Variants in TSHR observed in about 807,000 individuals in gnomAD.
TSHR encodes the protein thyroid stimulating hormone receptor, also known as thyrotropin receptor.
In TSHR, 51 loss-of-function variants were observed where a neutral mutation model predicts 64.1. The ratio of observed to expected loss-of-function variants is 0.80; its 90% CI spans 0.64 to 1.01. The LOEUF is 1.01. TSHR is among the 50% of genes least tolerant of loss of function. The probability of loss-of-function intolerance (pLI) is 0.00; values close to 1 mark genes in which losing one functional copy is unlikely to be tolerated. For synonymous variants in TSHR, 361 were observed against 361.9 expected (o/e 1.00, Z 0.03); for missense variants, 877 against 942.8 (o/e 0.93, Z 0.91).
At chr14:81,074,021 TA>T in intron 3 of TSHR, among the ~76,000 whole-genome samples, 1 of 152,180 alleles carries the variant, frequency 6.6e-6, no homozygotes, top group Non-Finnish European at 1.5e-5. Context: ...TTGTTTGTAT[TA>T]TGATCTTTTT....
chr14:80,972,741 T>C (rs2139704594), intron 1 of TSHR, among the ~76,000 whole-genome samples: 1 of 152,186 alleles, frequency 6.6e-6, no homozygotes, highest in South Asian at 2.1e-4. Context: ...AAAGGGGAGC[T>C]CGTGCCGATT....
chr14:81,077,387 G>A (rs77927049), intron 3 of TSHR, among the ~76,000 whole-genome samples: 4,075 of 152,276 alleles, frequency 0.027, 181 homozygotes, highest in African/African-American at 0.092. Context: ...TTGACAGAAT[G>A]TTTAGTATAT....
intron 8 of TSHR, among the ~76,000 whole-genome samples, chr14:81,120,060 G>T (rs1481128759): frequency 7.6e-6 from 1 of 130,986 alleles, no homozygotes; most frequent in Non-Finnish European, 1.6e-5. Context: ...GGATAGCATT[G>T]GGAGATATAC....
At chr14:80,961,076 C>T (rs1185447518) in intron 1 of TSHR, among the ~76,000 whole-genome samples, 1 of 152,236 alleles carries the variant, frequency 6.6e-6, no homozygotes, top group South Asian at 2.1e-4. Context: ...CCACTTTTGG[C>T]GTCTGAAATA....
At chr14:81,102,718 G>A (rs1889663887) in intron 7 of TSHR, 1 of 859,426 alleles carries the variant, frequency 1.2e-6, no homozygotes, top group Non-Finnish European at 1.4e-6. Context: ...CAAAAACAAG[G>A]GCAAGGTAGG....
chr14:80,999,246 T>C (rs964551090), intron 1 of TSHR, among the ~76,000 whole-genome samples: 1 of 152,220 alleles, frequency 6.6e-6, no homozygotes, highest in Non-Finnish European at 1.5e-5. Context: ...GTTATTCTTT[T>C]TTATATTGGA....
chr14:81,049,091 T>G (rs1885310089), intron 1 of TSHR, among the ~76,000 whole-genome samples: 1 of 152,170 alleles, frequency 6.6e-6, no homozygotes, highest in Non-Finnish European at 1.5e-5. Context: ...AACCAGGACA[T>G]TAAGTGAGAA....
chr14:80,958,032 G>A (rs1886796381), intron 1 of TSHR: 1 of 152,196 alleles, frequency 6.6e-6, no homozygotes, highest in Admixed American at 6.5e-5. Flanking sequence ...CAAAATGGTA[G>A]TCTCCTTTGA....
At position 80,978,245 on chromosome 14, in the gene TSHR, G is replaced by A. The variant is rs538318682; in HGVS notation, c.170+22395G>A. ...TTTTTAGTAATTGGGCTGCCACCCT[G>A]TGCCAGAGACTATCTGTGCCCCCTG... is the stretch of plus-strand genomic sequence containing the variant. On this transcript the variant is annotated intron_variant, in intron 1 of 9. Coordinates refer to ENST00000298171, the MANE Select transcript of TSHR (RefSeq NM_000369.5). Among the ~76,000 whole-genome samples, 10 of 152,198 alleles carry A rather than the reference G, an allele frequency of 6.6e-5. No individual in the cohort carries two copies. In the South Asian group the frequency reaches 1.5e-3, roughly 22 times the overall value.
chr14:80,990,950 T>C (rs1032065314), intron 1 of TSHR, among the ~76,000 whole-genome samples: 1 of 152,176 alleles, frequency 6.6e-6, no homozygotes, highest in African/African-American at 2.4e-5. Flanking sequence ...CCACTGCGCC[T>C]GGCTGAAACA....
intron 1 of TSHR, among the ~76,000 whole-genome samples, chr14:80,997,657 A>G (rs1449657466): frequency 6.6e-6 from 1 of 152,204 alleles, no homozygotes; most frequent in Non-Finnish European, 1.5e-5. Context: ...TATGTTAACA[A>G]CCTCACGGTA....
intron 1 of TSHR, among the ~76,000 whole-genome samples, chr14:80,984,077 G>T (rs1350546570): frequency 6.6e-6 from 1 of 152,110 alleles, no homozygotes; most frequent in African/African-American, 2.4e-5. Flanking sequence ...GTGTGTGTGT[G>T]TGTGAGTGTG....
intron 4 of TSHR, among the ~76,000 whole-genome samples, chr14:81,089,363 A>C (rs2139974282): frequency 6.6e-6 from 1 of 152,312 alleles, no homozygotes; most frequent in African/African-American, 2.4e-5. Context: ...TGAAGATGAA[A>C]GGATGTCTGG....
At chr14:81,048,057 C>T (rs1885254913) in intron 1 of TSHR, among the ~76,000 whole-genome samples, 2 of 152,118 alleles carry the variant, frequency 1.3e-5, no homozygotes, top group African/African-American at 4.8e-5. Flanking sequence ...CAGGACTTTG[C>T]AATAGATAGC....
At chr14:81,075,610 G>T (rs1394841951) in intron 3 of TSHR, among the ~76,000 whole-genome samples, 2 of 150,192 alleles carry the variant, frequency 1.3e-5, no homozygotes, top group Admixed American at 6.6e-5. Flanking sequence ...TCGTCATCTA[G>T]CATTAGGTAT....
chr14:81,139,465 C>G (rs1891589402), intron 8 of TSHR, among the ~76,000 whole-genome samples: 1 of 152,208 alleles, frequency 6.6e-6, no homozygotes, highest in African/African-American at 2.4e-5. Flanking sequence ...ATTTGTACTA[C>G]TGGATACTGG....
Position 81,145,454 on chromosome 14 carries a change from T to C in TSHR, c.*1101T>C. On this transcript the variant is annotated 3_prime_UTR_variant, in exon 10 of 10. Coordinates refer to ENST00000298171, the MANE Select transcript of TSHR (RefSeq NM_000369.5). The stretch of plus-strand genomic sequence containing the variant: ...AGCCAAAAATTCAATTAAGTAAACA[T>C]ACTCGCCTGGATCTGAATCATTCAT... The C allele has an allele frequency of 4.3e-6, 1 of 233,164 alleles. No homozygotes were observed. The highest frequency in any genetic ancestry group is 8.5e-6 in the Non-Finnish European group (1 of 118,012). The allele number at this position is 233,164 out of a possible 1,614,324, so 14.4% of individuals were successfully genotyped here. A position where few individuals can be genotyped will look rare whatever the true frequency, so the allele number is the denominator to read the frequency against.
intron 1 of TSHR, chr14:80,993,641 G>T (rs1888858750): frequency 6.6e-6 from 1 of 151,996 alleles, no homozygotes; most frequent in Non-Finnish European, 1.5e-5. Flanking sequence ...ATGAGATAAA[G>T]AAAAATAAAT....
Position 80,978,612 on chromosome 14 carries a change from G to A in TSHR, c.170+22762G>A, listed in dbSNP as rs150529342. The stretch of plus-strand genomic sequence containing the variant: ...ACTGCCATGCTCAGCCCTGGGCTGT[G>A]GGCTTCCCGGGAAGAGTAGAGCCTT... On this transcript the variant is annotated intron_variant, in intron 1 of 9. Transcript: ENST00000298171. Among the ~76,000 whole-genome samples the A allele has an allele frequency of 5.0e-3, 765 of 152,302 alleles. 4 individuals carry two copies. The highest frequency in any genetic ancestry group is 0.017 in the African/African-American group (726 of 41,562).
Sources: allele counts gnomAD v4.1 joint callset (sites outside exome capture counted in the v4.1 genomes callset), GRCh38; gene constraint gnomAD v4.1.1; transcripts MANE v1.5; gene names NCBI Gene and HGNC (gene_info 2026-07-23, HGNC 2026-07-21).